SMOC1: variants seen among roughly 807,000 people sequenced by gnomAD.
SMOC1 encodes SPARC-related modular calcium-binding protein 1.
A neutral mutation model predicts 56.3 loss-of-function variants in SMOC1; 22 were observed. The ratio of observed to expected loss-of-function variants is 0.39; its 90% confidence interval spans 0.28 to 0.56. The LOEUF (loss-of-function observed/expected upper bound fraction) is 0.56, where lower values mean the gene tolerates loss of function less well. SMOC1 is among the 20% of genes least tolerant of loss of function. The pLI is 0.61. For missense variants in SMOC1, 509 were observed against 565.4 expected (o/e 0.90, Z 1.01); for synonymous variants, 193 against 215.0 (o/e 0.90, Z 0.89).
intron 11 of SMOC1, among the ~76,000 whole-genome samples, chr14:70,029,670 A>AGGT (rs1193833056): frequency 6.6e-6 from 1 of 152,212 alleles, no homozygotes; most frequent in Non-Finnish European, 1.5e-5. Context: ...GGTTTGTTGC[A>AGGT]GGTGGTAGCC....
intron 11 of SMOC1, among the ~76,000 whole-genome samples, chr14:70,026,169 T>C (rs1885917002): frequency 6.6e-6 from 1 of 152,206 alleles, no homozygotes; most frequent in African/African-American, 2.4e-5. Flanking sequence ...TCTGACACGC[T>C]TGGAATTTGT....
At chr14:70,003,457 CA>C (rs777740672) in intron 7 of SMOC1, among the ~76,000 whole-genome samples, 1 of 152,168 alleles carries the variant, frequency 6.6e-6, no homozygotes, top group African/African-American at 2.4e-5. Flanking sequence ...TCTGTGGTCT[CA>C]TCCCTACGGT....
intron 7 of SMOC1, among the ~76,000 whole-genome samples, chr14:70,007,475 A>G (rs947486195): frequency 1.3e-5 from 2 of 152,272 alleles, no homozygotes; most frequent in African/African-American, 2.4e-5. Flanking sequence ...TCGAGAAGAC[A>G]TCATTGGTCA....
At chr14:70,020,390 C>G (rs1314893787) in intron 10 of SMOC1, among the ~76,000 whole-genome samples, 1 of 152,126 alleles carries the variant, frequency 6.6e-6, no homozygotes, top group Non-Finnish European at 1.5e-5. Context: ...CTAGGGCTAC[C>G]CAGCTTACAG....
intron 1 of SMOC1, among the ~76,000 whole-genome samples, chr14:69,940,251 G>C (rs565098913): frequency 1.6e-4 from 24 of 152,222 alleles, no homozygotes; most frequent in African/African-American, 5.3e-4. Flanking sequence ...GTCCCCTAGT[G>C]GTAAAACACA....
intron 7 of SMOC1, among the ~76,000 whole-genome samples, chr14:70,004,134 C>T (rs1185325459): frequency 2.0e-5 from 3 of 150,698 alleles, no homozygotes; most frequent in African/African-American, 7.5e-5. Flanking sequence ...GGGAGAGCTT[C>T]TGATTCTTTC....
chr14:70,025,950 A>G (rs889612929), intron 11 of SMOC1, among the ~76,000 whole-genome samples: 4 of 152,358 alleles, frequency 2.6e-5, no homozygotes, highest in Non-Finnish European at 5.9e-5. Context: ...TAGAAGTTCA[A>G]TACTACTATT....
intron 3 of SMOC1, among the ~76,000 whole-genome samples, chr14:69,961,610 G>T (rs192978976): frequency 1.2e-3 from 181 of 152,104 alleles, no homozygotes; most frequent in African/African-American, 4.3e-3. Context: ...TTGAACTCCT[G>T]AGCTCAAATG....
At chr14:70,009,923 G>A (rs1431035801) in intron 7 of SMOC1, among the ~76,000 whole-genome samples, 1 of 152,190 alleles carries the variant, frequency 6.6e-6, no homozygotes. Flanking sequence ...AGCCAGGCAG[G>A]CTAAGTGGTT....
At chr14:69,943,669 G>A (rs1298563477) in intron 1 of SMOC1, among the ~76,000 whole-genome samples, 1 of 116,840 alleles carries the variant, frequency 8.6e-6, no homozygotes, top group Admixed American at 8.6e-5. Flanking sequence ...GGCTCCAAGA[G>A]TGGCTTTCCC....
chr14:70,031,995 C>T lies in SMOC1; in HGVS notation c.*1737C>T, dbSNP rs1886169165. Reference sequence around the variant, plus strand: ...TTCTCGGGACAGGATCTGATGGGGTCTTGGGCTAAAGGAGGTCCCTGCTGT... The same window carrying T: ...TTCTCGGGACAGGATCTGATGGGGTTTTGGGCTAAAGGAGGTCCCTGCTGT... On this transcript the variant is annotated 3_prime_UTR_variant, in exon 12 of 12. Transcript: ENST00000361956. The T allele has an allele frequency of 6.6e-6, 1 of 152,374 alleles. No homozygotes were observed. The highest frequency in any genetic ancestry group is 1.5e-5 in the Non-Finnish European group (1 of 68,148). 9.4% of individuals were successfully genotyped at this position (152,374 alleles called of 1,614,324 possible).
intron 1 of SMOC1, among the ~76,000 whole-genome samples, chr14:69,920,518 T>A (rs1884809553): frequency 6.6e-6 from 1 of 152,134 alleles, no homozygotes; most frequent in South Asian, 2.1e-4. Context: ...TCCTCCCCAA[T>A]TGTCATGGTT....
At chr14:69,917,772 A>T (rs1884724755) in intron 1 of SMOC1, among the ~76,000 whole-genome samples, 1 of 152,210 alleles carries the variant, frequency 6.6e-6, no homozygotes, top group Non-Finnish European at 1.5e-5. Context: ...AGGGGCTTGC[A>T]GCAGGCCAGT....
intron 3 of SMOC1, among the ~76,000 whole-genome samples, chr14:69,965,479 G>A (rs560736545): frequency 6.6e-6 from 1 of 152,212 alleles, no homozygotes; most frequent in Admixed American, 6.5e-5. Context: ...TCTTTTAAGT[G>A]TAGTCCCACA....
At chr14:69,989,028 G>A (rs1884470498) in intron 5 of SMOC1, among the ~76,000 whole-genome samples, 1 of 152,236 alleles carries the variant, frequency 6.6e-6, no homozygotes, top group East Asian at 1.9e-4. Flanking sequence ...CTTTGTGTGG[G>A]CATGTTTTTA....
At chr14:69,929,250 C>G (rs899734001) in intron 1 of SMOC1, among the ~76,000 whole-genome samples, 4 of 152,202 alleles carry the variant, frequency 2.6e-5, no homozygotes, top group African/African-American at 9.7e-5. Flanking sequence ...CCATCTGCCT[C>G]CCCCAAACAA....
intron 1 of SMOC1, among the ~76,000 whole-genome samples, chr14:69,908,199 T>C (rs1306258167): frequency 1.6e-4 from 24 of 152,212 alleles, no homozygotes; most frequent in Non-Finnish European, 1.2e-4. Flanking sequence ...AAAGGACCAA[T>C]ATGCACAGAA....
At chr14:70,020,305 C>T (rs1347595146) in intron 10 of SMOC1, among the ~76,000 whole-genome samples, 2 of 152,164 alleles carry the variant, frequency 1.3e-5, no homozygotes, top group East Asian at 1.9e-4. Flanking sequence ...CCCTCATGGA[C>T]TCAAAGCTGA....
intron 9 of SMOC1, 85 bp downstream of exon 9, chr14:70,011,652 TTGTC>T (rs1885346496): frequency 2.3e-6 from 3 of 1,308,046 alleles, no homozygotes; most frequent in Non-Finnish European, 2.2e-6. Context: ...TGTCTCCTCT[TTGTC>T]TGTTTCCCCA....
Sources: gnomAD v4.1 joint callset for allele counts (sites outside exome capture counted in the v4.1 genomes callset) on GRCh38, gnomAD v4.1.1 for gene constraint, MANE v1.5 for transcripts, NCBI Gene and HGNC (gene_info 2026-07-23, HGNC 2026-07-21) for gene names.